KCNAB1: variants seen among roughly 807,000 people sequenced by gnomAD.
The protein encoded by KCNAB1 is voltage-gated potassium channel subunit beta-1.
A neutral mutation model predicts 64.6 loss-of-function variants in KCNAB1; 35 were observed. The ratio of observed to expected loss-of-function variants is 0.54; its 90% CI spans 0.41 to 0.72. The LOEUF (loss-of-function observed/expected upper bound fraction) is 0.72. KCNAB1 is among the 30% of genes least tolerant of loss of function. The pLI, the probability that KCNAB1 is intolerant of heterozygous loss-of-function variation, is 0.00. For synonymous variants in KCNAB1, 177 were observed against 183.8 expected (o/e 0.96, Z 0.30); for missense variants, 401 against 512.9 (o/e 0.78, Z 2.11).
Position 156,495,667 on chromosome 3 carries a change from C to T in KCNAB1, c.659-18697C>T, listed in dbSNP as rs192415459. Among the ~76,000 whole-genome samples, 451 of 152,280 alleles carry T rather than the reference C, an allele frequency of 3.0e-3. 1 individual carries two copies. The highest frequency in any genetic ancestry group is 0.01 in the African/African-American group (427 of 41,550). Reference sequence around the variant, plus strand: ...GGGTAACCTTGAACAATTTACCCACCTTTGTTGTGCCTCAGTTTCCTCATG... The same window carrying T: ...GGGTAACCTTGAACAATTTACCCACTTTTGTTGTGCCTCAGTTTCCTCATG... On this transcript the variant is annotated intron_variant, in intron 8 of 13. Coordinates refer to ENST00000490337, the MANE Select transcript of KCNAB1 (RefSeq NM_172160.3).
intron 1 of KCNAB1, among the ~76,000 whole-genome samples, chr3:156,260,207 TA>T (rs919145721): frequency 2.0e-5 from 3 of 152,196 alleles, no homozygotes; most frequent in Admixed American, 6.6e-5. Flanking sequence ...CTGGGGCCTT[TA>T]AAAAAATAAA....
chr3:156,403,882 A>C (rs1206710435), intron 1 of KCNAB1, among the ~76,000 whole-genome samples: 1 of 150,990 alleles, frequency 6.6e-6, no homozygotes, highest in African/African-American at 2.5e-5. Flanking sequence ...TGACAGAGAA[A>C]GACTCTGCCT....
At chr3:156,512,452 C>G (rs938960116) in intron 8 of KCNAB1, among the ~76,000 whole-genome samples, 1 of 152,242 alleles carries the variant, frequency 6.6e-6, no homozygotes, top group African/African-American at 2.4e-5. Context: ...TTAACCTCTT[C>G]TGTGTTTATC....
chr3:156,260,301 C>T (rs1718357273), intron 1 of KCNAB1, among the ~76,000 whole-genome samples: 1 of 152,068 alleles, frequency 6.6e-6, no homozygotes, highest in Non-Finnish European at 1.5e-5. Flanking sequence ...ATAAAATTCA[C>T]TCAAAATAAA....
At chr3:156,439,569 C>T (rs865869022) in intron 2 of KCNAB1, among the ~76,000 whole-genome samples, 43 of 152,266 alleles carry the variant, frequency 2.8e-4, no homozygotes, top group African/African-American at 9.9e-4. Flanking sequence ...TGCACACAGG[C>T]CTTTTGATGG....
At chr3:156,228,548 A>G (rs1301198757) in intron 1 of KCNAB1, among the ~76,000 whole-genome samples, 1 of 152,094 alleles carries the variant, frequency 6.6e-6, no homozygotes, top group Non-Finnish European at 1.5e-5. Context: ...GGGTTCTATC[A>G]TGTTCCACTA....
At chr3:156,518,668 A>G (rs1351473130) in intron 11 of KCNAB1, among the ~76,000 whole-genome samples, 1 of 152,214 alleles carries the variant, frequency 6.6e-6, no homozygotes, top group East Asian at 1.9e-4. Context: ...CTGAACTGCA[A>G]TTGAAGGATA....
chr3:156,426,776 G>A (rs1177874668), intron 2 of KCNAB1, among the ~76,000 whole-genome samples: 12 of 152,108 alleles, frequency 7.9e-5, no homozygotes, highest in Non-Finnish European at 1.3e-4. Context: ...ATACATTTAA[G>A]TTTCTTCCAT....
intron 1 of KCNAB1, among the ~76,000 whole-genome samples, chr3:156,302,054 G>A (rs1179545023): frequency 6.6e-6 from 1 of 152,202 alleles, no homozygotes; most frequent in Admixed American, 6.5e-5. Context: ...TTTCTCTGGA[G>A]GCTTCTGGTT....
rs543483260 is a variant in KCNAB1 at position 156,189,768 on chromosome 3, A to G, written c.275+68882A>G. Among the ~76,000 whole-genome samples the G allele has an allele frequency of 2.5e-4, 38 of 152,332 alleles. No individual in the cohort carries two copies. The East Asian group carries it at 5.0e-3, about 20-fold the overall frequency. ...ACTTTTCAGACACAGGTTAGGAAACATCTATCTCCAAAAGGTACAGGCAAT... is the reference window on the plus strand; with the variant it reads ...ACTTTTCAGACACAGGTTAGGAAACGTCTATCTCCAAAAGGTACAGGCAAT... On this transcript the variant is annotated intron_variant, in intron 1 of 13. Transcript: ENST00000490337.
intron 8 of KCNAB1, among the ~76,000 whole-genome samples, chr3:156,506,797 T>C (rs1716862153): frequency 6.6e-6 from 1 of 152,212 alleles, no homozygotes; most frequent in Non-Finnish European, 1.5e-5. Context: ...GACCACTCTT[T>C]CTTTAAGCTT....
intron 2 of KCNAB1, among the ~76,000 whole-genome samples, chr3:156,448,101 G>A (rs1996876): frequency 6.6e-6 from 1 of 152,262 alleles, no homozygotes; most frequent in South Asian, 2.1e-4. Context: ...ACCTAACACA[G>A]GTTTTCAAAG....
chr3:156,291,827 A>AT lies in KCNAB1; in HGVS notation c.276-129789_276-129788insT, dbSNP rs1371989145. The AT allele has an allele frequency of 3.3e-5, 52 of 1,594,356 alleles. No individual in the cohort carries two copies. The Middle Eastern group carries it at 6.3e-4, about 19-fold the overall frequency. On this transcript the variant is annotated intron_variant, in intron 1 of 13. Transcript: ENST00000490337. Reference sequence around the variant, plus strand: ...CAAGGAGGGCTTAAAAGAAAAGCAGAAATCCCCGCAACTGCTCAACCTCTC... The same window carrying AT: ...CAAGGAGGGCTTAAAAGAAAAGCAGATAATCCCCGCAACTGCTCAACCTCTC...
chr3:156,379,212 A>G (rs1711964245), intron 1 of KCNAB1, among the ~76,000 whole-genome samples: 1 of 152,186 alleles, frequency 6.6e-6, no homozygotes, highest in African/African-American at 2.4e-5. Flanking sequence ...TGATTTAACA[A>G]ATATATACTG....
intron 1 of KCNAB1, among the ~76,000 whole-genome samples, chr3:156,194,586 T>C (rs1713775883): frequency 6.6e-6 from 1 of 152,136 alleles, no homozygotes; most frequent in South Asian, 2.1e-4. Context: ...TGGAGTTTAT[T>C]TATCTTCTTG....
chr3:156,142,292 T>G (rs1373454146), intron 1 of KCNAB1, among the ~76,000 whole-genome samples: 1 of 152,230 alleles, frequency 6.6e-6, no homozygotes, highest in Non-Finnish European at 1.5e-5. Context: ...CTTTTATGGA[T>G]TGTGCTTTTG....
intron 1 of KCNAB1, among the ~76,000 whole-genome samples, chr3:156,121,530 G>A (rs955862916): frequency 2.0e-5 from 3 of 152,164 alleles, no homozygotes; most frequent in Non-Finnish European, 4.4e-5. Context: ...GCAGAGGAAG[G>A]ATAATTTCAC....
At chr3:156,315,841 G>T (rs771763857) in intron 1 of KCNAB1, among the ~76,000 whole-genome samples, 1 of 152,176 alleles carries the variant, frequency 6.6e-6, no homozygotes, top group Non-Finnish European at 1.5e-5. Context: ...GAATGTGAAT[G>T]TGGGGTCCTA....
intron 8 of KCNAB1, among the ~76,000 whole-genome samples, chr3:156,511,606 A>T (rs1484305534): frequency 1.3e-5 from 2 of 152,054 alleles, no homozygotes; most frequent in Non-Finnish European, 2.9e-5. Context: ...TGCCTTCAAC[A>T]TCTATTTTGA....
Sources: allele counts gnomAD v4.1 joint callset (sites outside exome capture counted in the v4.1 genomes callset), GRCh38; gene constraint gnomAD v4.1.1; transcripts MANE v1.5; gene names NCBI Gene and HGNC (gene_info 2026-07-23, HGNC 2026-07-21).